The following MSN variants were observed in gnomAD, a reference collection of about 807,000 sequenced individuals.
MSN encodes epididymis luminal protein 70.
In MSN, 2 loss-of-function variants were observed where a neutral mutation model predicts 48.0. That is an observed-to-expected ratio of 0.04 (90% CI 0.02 to 0.13). MSN has a LOEUF of 0.13. Among genes scored for constraint, MSN ranks in the 10% least tolerant of loss-of-function variants. The probability of loss-of-function intolerance (pLI) is 1.00; values close to 1 mark genes in which losing one functional copy is unlikely to be tolerated. For synonymous variants in MSN, 146 were observed against 166.9 expected, an observed-to-expected ratio of 0.87 and a Z score of 0.97; for missense variants, 267 against 470.1, an observed-to-expected ratio of 0.57 and a Z score of 3.99.
At chrX:65,654,676 A>G (rs891088680) in intron 1 of MSN, among the ~76,000 whole-genome samples, 32 of 111,657 alleles carry the variant, frequency 2.9e-4, no homozygotes, top group African/African-American at 1.0e-3. Flanking sequence ...AAAAATGTGC[A>G]GCTATCTTGC....
intron 1 of MSN, among the ~76,000 whole-genome samples, chrX:65,646,428 C>T (rs2070695247): frequency 9.0e-6 from 1 of 111,691 alleles, no homozygotes; most frequent in African/African-American, 3.3e-5. Context: ...ATAGCTGGCC[C>T]AGAGGAGATA....
chrX:65,653,611 A>G (rs941499113), intron 1 of MSN, among the ~76,000 whole-genome samples: 5 of 109,458 alleles, frequency 4.6e-5, no homozygotes, highest in African/African-American at 1.3e-4. Flanking sequence ...ATGGGCACAT[A>G]AACAGGCAAG....
intron 1 of MSN, among the ~76,000 whole-genome samples, chrX:65,678,161 C>G (rs374766182): frequency 3.6e-5 from 4 of 111,700 alleles, no homozygotes; most frequent in African/African-American, 1.3e-4. Flanking sequence ...TTTTCTCCCC[C>G]CTCAAGTTAC....
intron 1 of MSN, among the ~76,000 whole-genome samples, chrX:65,622,776 G>A (rs1212243271): frequency 5.4e-5 from 6 of 111,159 alleles, no homozygotes; most frequent in African/African-American, 2.0e-4. Flanking sequence ...CTCCCAAAGT[G>A]CTGGGATTAT....
At chrX:65,620,636 AC>A (rs1168372178) in intron 1 of MSN, among the ~76,000 whole-genome samples, 1 of 112,301 alleles carries the variant, frequency 8.9e-6, no homozygotes, top group Non-Finnish European at 1.9e-5. Flanking sequence ...TGAACCCGGT[AC>A]CTCAGATGGA....
At chrX:65,622,967 A>G (rs921673038) in intron 1 of MSN, among the ~76,000 whole-genome samples, 2 of 112,007 alleles carry the variant, frequency 1.8e-5, no homozygotes, top group Non-Finnish European at 3.8e-5. Context: ...ATCAAAAGGT[A>G]TAGATTTTGT....
chrX:65,710,310 C>T (rs772663196), intron 1 of MSN, among the ~76,000 whole-genome samples: 165 of 111,851 alleles, frequency 1.5e-3, no homozygotes, highest in African/African-American at 5.1e-3. Flanking sequence ...CAGTAAGTGC[C>T]TTGAGATCAG....
chrX:65,626,091 A>G (rs1183990761), intron 1 of MSN, among the ~76,000 whole-genome samples: 1 of 109,318 alleles, frequency 9.1e-6, no homozygotes, highest in African/African-American at 3.3e-5. Flanking sequence ...AGTAGCTGGG[A>G]CTACAGGCAT....
chrX:65,621,422 G>A (rs917568636), intron 1 of MSN, among the ~76,000 whole-genome samples: 1 of 111,832 alleles, frequency 8.9e-6, no homozygotes, highest in Non-Finnish European at 1.9e-5. Context: ...AGCCACAGAT[G>A]GCTGCATTCA....
chrX:65,653,249 G>A (rs189976042), intron 1 of MSN, among the ~76,000 whole-genome samples: 66 of 111,284 alleles, frequency 5.9e-4, no homozygotes, highest in African/African-American at 1.9e-3. Flanking sequence ...AACACATGAT[G>A]TGGCTGGTTT....
At chrX:65,619,788 T>G (rs1366973382) in intron 1 of MSN, among the ~76,000 whole-genome samples, 1 of 109,359 alleles carries the variant, frequency 9.1e-6, no homozygotes, top group Non-Finnish European at 1.9e-5. Flanking sequence ...GGTGCTCTGC[T>G]TTTTAGAGTT....
intron 1 of MSN, among the ~76,000 whole-genome samples, chrX:65,598,243 G>A (rs1417398745): frequency 1.8e-5 from 2 of 110,250 alleles, no homozygotes; most frequent in African/African-American, 6.6e-5. Flanking sequence ...AGGTGGGGTC[G>A]GGGGGAAGAG....
chrX:65,670,987 T>C (rs1220877086), intron 1 of MSN, among the ~76,000 whole-genome samples: 1 of 89,549 alleles, frequency 1.1e-5, no homozygotes, highest in East Asian at 3.8e-4. Context: ...CCTACCTTCT[T>C]TAATTTTTTT....
intron 2 of MSN, 115 bp downstream of exon 2, chrX:65,717,016 A>G: frequency 3.1e-6 from 2 of 653,975 alleles, no homozygotes; most frequent in African/African-American, 2.2e-5. Flanking sequence ...TCACTCCAAG[A>G]TAGATCAAAA....
intron 1 of MSN, among the ~76,000 whole-genome samples, chrX:65,592,316 C>G (rs2070154237): frequency 9.3e-6 from 1 of 107,507 alleles, no homozygotes; most frequent in Non-Finnish European, 1.9e-5. Flanking sequence ...TTGCCTCAGC[C>G]TCTCGAGTAG....
intron 1 of MSN, among the ~76,000 whole-genome samples, chrX:65,670,379 C>A (rs1311333339): frequency 1.8e-5 from 2 of 111,538 alleles, no homozygotes; most frequent in African/African-American, 6.5e-5. Flanking sequence ...GGGTCGGTTT[C>A]ACTTTTATAG....
chrX:65,597,308 C>T (rs979675835), intron 1 of MSN, among the ~76,000 whole-genome samples: 1 of 109,437 alleles, frequency 9.1e-6, no homozygotes, highest in African/African-American at 3.3e-5. Flanking sequence ...CTCGGCCTCC[C>T]AAAGCACTGG....
At chrX:65,597,633 C>G (rs774738906) in intron 1 of MSN, among the ~76,000 whole-genome samples, 2 of 112,119 alleles carry the variant, frequency 1.8e-5, no homozygotes, top group South Asian at 7.4e-4. Context: ...CAGGTGTGAG[C>G]CACCATGCCC....
chrX:65,656,668 G>C (rs1411680568), intron 1 of MSN, among the ~76,000 whole-genome samples: 1 of 111,773 alleles, frequency 8.9e-6, no homozygotes, highest in African/African-American at 3.3e-5. Context: ...ATGTGGGAGG[G>C]AGGCCAAATG....
Sources: gnomAD v4.1 joint callset for allele counts (sites outside exome capture counted in the v4.1 genomes callset) on GRCh38, gnomAD v4.1.1 for gene constraint, MANE v1.5 for transcripts, NCBI Gene and HGNC (gene_info 2026-07-23, HGNC 2026-07-21) for gene names.